FARSB: variants seen among roughly 807,000 people sequenced by gnomAD.
FARSB encodes the protein phenylalanine--tRNA ligase beta subunit.
FARSB carries 40 observed loss-of-function variants against 69.6 expected under a neutral mutation model. The observed-to-expected ratio is 0.57, with a 90% CI of 0.45 to 0.75. FARSB has a LOEUF of 0.75. Among genes scored for constraint, FARSB ranks in the 30% least tolerant of loss-of-function variants. FARSB has a pLI of 0.00. For missense variants in FARSB, 632 were observed against 722.9 expected (o/e 0.87, Z 1.44); for synonymous variants, 235 against 247.2 (o/e 0.95, Z 0.46).
rs1057130798 is a variant in FARSB, at chr2:222,604,719, T to C, written c.1463-4636A>G. ...TACAAGCACACATCACCATGCCCACTGAATTTTTTTTTTTTTTTTTTTTTT... is the reference window on the plus strand; with the variant it reads ...TACAAGCACACATCACCATGCCCACCGAATTTTTTTTTTTTTTTTTTTTTT... On this transcript the variant is annotated intron_variant, in intron 15 of 16. Transcript: ENST00000281828. Among the ~76,000 whole-genome samples the C allele has an allele frequency of 1.1e-4, 11 of 104,428 alleles. No homozygotes were observed. In the East Asian group the frequency reaches 3.1e-3, roughly 30 times the overall value. 68.5% of individuals were successfully genotyped at this position (104,428 alleles called of 152,430 possible).
intron 15 of FARSB, among the ~76,000 whole-genome samples, chr2:222,610,177 C>T (rs1233655594): frequency 6.6e-6 from 1 of 152,130 alleles, no homozygotes; most frequent in African/African-American, 2.4e-5. Context: ...ATGAGACTGC[C>T]TTGCTCATTC....
chr2:222,637,939 G>A (rs1331051621), intron 5 of FARSB, among the ~76,000 whole-genome samples: 1 of 151,992 alleles, frequency 6.6e-6, no homozygotes, highest in Non-Finnish European at 1.5e-5. Flanking sequence ...AGATGATCAT[G>A]CCACTGGACT....
At chr2:222,627,424 GAGTGAGGCCAT>G (rs1437317965) in intron 10 of FARSB, among the ~76,000 whole-genome samples, 1 of 152,206 alleles carries the variant, frequency 6.6e-6, no homozygotes, top group African/African-American at 2.4e-5. Context: ...AAGCAGACGT[GAGTGAGGCCAT>G]CCCAGATCAT....
intron 1 of FARSB, 115 bp from the exon 2 acceptor site, chr2:222,648,910 A>G: frequency 1.3e-6 from 1 of 756,282 alleles, no homozygotes; most frequent in Non-Finnish European, 2.4e-6. Context: ...ACTACTAAAT[A>G]TCAGGCATCA....
At chr2:222,602,255 G>A (rs950199788) in intron 15 of FARSB, among the ~76,000 whole-genome samples, 1 of 151,928 alleles carries the variant, frequency 6.6e-6, no homozygotes, top group African/African-American at 2.4e-5. Flanking sequence ...CTAAAATAAG[G>A]CGTTTTTAGG....
intron 10 of FARSB, among the ~76,000 whole-genome samples, chr2:222,625,318 A>T (rs1351821419): frequency 2.6e-5 from 4 of 152,230 alleles, no homozygotes; most frequent in Non-Finnish European, 4.4e-5. Context: ...AGGTGAGAAC[A>T]CACACACATA....
At chr2:222,643,517 TAAC>T (rs1476797982) in intron 2 of FARSB, among the ~76,000 whole-genome samples, 6 of 151,536 alleles carry the variant, frequency 4.0e-5, no homozygotes, top group African/African-American at 1.2e-4. Context: ...GAACATAAAG[TAAC>T]AACAACAAAA....
rs757717071 is a variant in FARSB, at chr2:222,624,312, A to G, written c.1130T>C (p.Ile377Thr). ...DAAIAYGYNN[I>T]QMTLPKTYTI... ...GTAAGTTTTCGGGAGAGTCATCTGA[A>G]TGTTGTTATATCCATAAGCAATAGC... Residue 377 changes from isoleucine to threonine, a missense_variant, in exon 12 of 17, where the codon ATT becomes ACT. Transcript: ENST00000281828. The G allele has an allele frequency of 2.5e-6, 4 of 1,612,660 alleles. No homozygotes were observed. The South Asian group carries it at 3.3e-5, about 13-fold the overall frequency.
intron 16 of FARSB, among the ~76,000 whole-genome samples, chr2:222,576,063 G>A (rs1689831922): frequency 6.6e-6 from 1 of 151,496 alleles, no homozygotes. Flanking sequence ...ATTTTAGGGA[G>A]CATCAGAAGT....
Position 222,571,003 on chromosome 2 carries a change from T to C in FARSB, c.*868A>G, listed in dbSNP as rs1689707114. 6.6e-6 allele frequency: 1 copy of C among 152,094 alleles called. No individual in the cohort carries two copies. The highest frequency in any genetic ancestry group is 2.4e-5 in the African/African-American group (1 of 41,402). 9.4% of individuals were successfully genotyped at this position (152,094 alleles called of 1,614,324 possible). ...AAATTAGGATATAAAACAAGGAGGA[T>C]TGGCTGAAGCTTAGCTTCAGAAAAA... On this transcript the variant is annotated 3_prime_UTR_variant, in exon 17 of 17. Coordinates refer to ENST00000281828, the MANE Select transcript of FARSB (RefSeq NM_005687.5).
chr2:222,599,309 T>A (rs1690501244), intron 16 of FARSB, among the ~76,000 whole-genome samples: 1 of 152,100 alleles, frequency 6.6e-6, no homozygotes, highest in South Asian at 2.1e-4. Context: ...AAGCAAAAAT[T>A]TCAGAGTTCC....
chr2:222,648,779 A>C lies in FARSB; in HGVS notation c.75T>G (p.Asp25Glu). 1 of 1,603,440 alleles carries C rather than the reference A, an allele frequency of 6.2e-7. No individual in the cohort carries two copies. The highest frequency in any genetic ancestry group is 8.5e-7 in the Non-Finnish European group (1 of 1,170,318). The change falls in exon 2 of 17, where the codon GAT becomes GAG. Residue 25 changes from aspartate (D) to glutamate (E), a missense_variant. Coordinates refer to ENST00000281828, the MANE Select transcript of FARSB (RefSeq NM_005687.5). The stretch of plus-strand genomic sequence containing the variant: ...CCAGACCAAATTCAAAACATAGTTC[A>C]TCAAATTCTTCGTCAGCTAGGAAAA... ...LGRTYTDEEFDELCFEFGLEL... is the reference protein window; with the variant it reads ...LGRTYTDEEFEELCFEFGLEL...
chr2:222,633,706 A>C (rs904533082), intron 6 of FARSB, among the ~76,000 whole-genome samples: 1 of 144,738 alleles, frequency 6.9e-6, no homozygotes, highest in African/African-American at 2.5e-5. Context: ...AAAAAAAAGG[A>C]GGGGAAAAGT....
At chr2:222,627,391 G>A (rs1691304549) in intron 10 of FARSB, among the ~76,000 whole-genome samples, 1 of 152,182 alleles carries the variant, frequency 6.6e-6, no homozygotes, top group Non-Finnish European at 1.5e-5. Context: ...AGGGACATGT[G>A]AGTTGTTGAC....
At chr2:222,588,521 C>T (rs765267017) in intron 16 of FARSB, among the ~76,000 whole-genome samples, 1 of 152,264 alleles carries the variant, frequency 6.6e-6, no homozygotes, top group Admixed American at 6.5e-5. Context: ...GGCAATTAGG[C>T]AGGAGAAAGA....
rs1689689807 is a variant in FARSB at position 222,570,175 on chromosome 2, C to T, written c.*1696G>A. Among the ~76,000 whole-genome samples, 1 of 152,184 alleles carries T rather than the reference C, an allele frequency of 6.6e-6. No homozygotes were observed. Among genetic ancestry groups the T allele is most frequent in the Non-Finnish European group, 1.5e-5 (1 of 68,024 alleles). On this transcript the variant is annotated 3_prime_UTR_variant, in exon 17 of 17. Transcript: ENST00000281828. ...TTTCAAGTGCTCATTCATATGTCAT[C>T]TTTTGGGAAATGTTTGCTCAACTCT...
chr2:222,646,143 T>C (rs1479851657), intron 2 of FARSB, among the ~76,000 whole-genome samples: 1 of 152,228 alleles, frequency 6.6e-6, no homozygotes, highest in Non-Finnish European at 1.5e-5. Context: ...ATATAATTAT[T>C]CCGACTAGAT....
intron 16 of FARSB, among the ~76,000 whole-genome samples, chr2:222,594,119 AG>A (rs1690349125): frequency 3.4e-5 from 5 of 148,970 alleles, no homozygotes; most frequent in African/African-American, 1.2e-4. Flanking sequence ...AAAAAAAAAA[AG>A]AGCTGAGCAT....
chr2:222,579,342 A>G (rs13023825), intron 16 of FARSB, among the ~76,000 whole-genome samples: 214 of 152,364 alleles, frequency 1.4e-3, no homozygotes, highest in Admixed American at 2.0e-3. Context: ...AGAGAAAATA[A>G]GAAAGACTGA....
Sources: allele counts gnomAD v4.1 joint callset (sites outside exome capture counted in the v4.1 genomes callset), GRCh38; gene constraint gnomAD v4.1.1; transcripts MANE v1.5; gene names NCBI Gene and HGNC (gene_info 2026-07-23, HGNC 2026-07-21).